The following AKAP13 variants were observed in gnomAD, a reference collection of about 807,000 sequenced individuals.
AKAP13 encodes the protein A-kinase anchoring protein 13, also known as A-kinase anchor protein 13.
In AKAP13, 80 loss-of-function variants were observed where a neutral mutation model predicts 264.5. The ratio of observed to expected loss-of-function variants is 0.30; its 90% CI spans 0.25 to 0.36. The LOEUF (loss-of-function observed/expected upper bound fraction) is 0.36. Among genes scored for constraint, AKAP13 ranks in the 10% least tolerant of loss-of-function variants. AKAP13 has a pLI of 1.00. For synonymous variants in AKAP13, 1,380 were observed against 1,250.2 expected, an observed-to-expected ratio of 1.10 and a Z score of -2.19; for missense variants, 3,712 against 3,435.2, an observed-to-expected ratio of 1.08 and a Z score of -2.01.
In AKAP13 at chr15:85,579,866, G is replaced by C. The variant is rs1434979099; in HGVS notation, c.1798G>C (p.Gly600Arg). The C allele has an allele frequency of 1.2e-6, 2 of 1,614,050 alleles. No homozygotes were observed. The highest frequency in any genetic ancestry group is 1.7e-6 in the Non-Finnish European group (2 of 1,180,056). ...PAAAKDKISD[G>R]LEPYTLLAAG... ...TGCTGCAAAAGACAAGATTTCAGAT[G>C]GATTAGAACCTTATACTCTCTTAGC... is the stretch of plus-strand genomic sequence containing the variant. Residue 600 changes from glycine to arginine, a missense_variant, in exon 7 of 37, where the codon GGA (glycine) becomes CGA (arginine). Physicochemically the swap from Gly to Arg is moderately radical, Grantham distance 125 (BLOSUM62 -2). Transcript: ENST00000394518.
At chr15:85,498,772 C>T (rs923153733) in intron 2 of AKAP13, among the ~76,000 whole-genome samples, 2 of 152,146 alleles carry the variant, frequency 1.3e-5, no homozygotes, top group Non-Finnish European at 2.9e-5. Context: ...GGCGCTGGCT[C>T]TTGGTGTGAG....
intron 5 of AKAP13, among the ~76,000 whole-genome samples, chr15:85,553,610 A>G (rs190649186): frequency 9.8e-5 from 15 of 152,312 alleles, no homozygotes; most frequent in Admixed American, 9.2e-4. Context: ...CTTATAGTAC[A>G]TATTTTATGC....
At chr15:85,407,051 A>G (rs1312096667) in intron 1 of AKAP13, among the ~76,000 whole-genome samples, 4 of 151,744 alleles carry the variant, frequency 2.6e-5, no homozygotes, top group African/African-American at 9.7e-5. Context: ...GTATAAGCTC[A>G]TTGAAGAAAT....
intron 2 of AKAP13, among the ~76,000 whole-genome samples, chr15:85,515,229 T>C (rs2151134127): frequency 7.2e-6 from 1 of 139,270 alleles, no homozygotes; most frequent in East Asian, 2.0e-4. Flanking sequence ...ATTTCAAGTT[T>C]ATAGAAAAGC....
chr15:85,470,366 G>A (rs2074916978), intron 1 of AKAP13, among the ~76,000 whole-genome samples: 1 of 152,172 alleles, frequency 6.6e-6, no homozygotes. Flanking sequence ...AGGAAGAACT[G>A]CCAGTGCCTT....
intron 8 of AKAP13, among the ~76,000 whole-genome samples, chr15:85,628,631 G>T (rs1000836553): frequency 2.6e-5 from 4 of 151,982 alleles, no homozygotes; most frequent in Admixed American, 1.3e-4. Context: ...AAAACCACAG[G>T]ATTCTAGTAA....
intron 12 of AKAP13, among the ~76,000 whole-genome samples, chr15:85,661,949 C>T (rs1392110817): frequency 6.7e-6 from 1 of 148,944 alleles, no homozygotes; most frequent in East Asian, 2.0e-4. Context: ...CACCAGAGCA[C>T]AGTTTGTCAC....
chr15:85,499,069 A>T (rs1427469798), intron 2 of AKAP13, among the ~76,000 whole-genome samples: 2 of 152,206 alleles, frequency 1.3e-5, no homozygotes, highest in Non-Finnish European at 2.9e-5. Flanking sequence ...GTTGCCTGTA[A>T]AGATGCATGG....
intron 1 of AKAP13, among the ~76,000 whole-genome samples, chr15:85,402,996 A>G (rs1020462562): frequency 3.3e-5 from 5 of 152,218 alleles, no homozygotes; most frequent in East Asian, 1.9e-4. Flanking sequence ...GTGATTAGCA[A>G]CGTTCATTGT....
intron 8 of AKAP13, chr15:85,627,662 T>G (rs1196003600): frequency 6.6e-6 from 1 of 152,234 alleles, no homozygotes; most frequent in Non-Finnish European, 1.5e-5. Context: ...CAGTTTACAT[T>G]TCTGGATACT....
At chr15:85,619,454 G>A in intron 8 of AKAP13, 2 of 985,292 alleles carry the variant, frequency 2.0e-6, no homozygotes, top group Non-Finnish European at 2.4e-6. Flanking sequence ...AAGCCCTACT[G>A]CCTGGTGAGC....
intron 1 of AKAP13, among the ~76,000 whole-genome samples, chr15:85,465,273 C>T (rs1217569056): frequency 6.6e-6 from 1 of 151,986 alleles, no homozygotes; most frequent in African/African-American, 2.4e-5. Flanking sequence ...ACTTTTTAAC[C>T]TTGCTGTATA....
chr15:85,617,861 T>C (rs560600538), intron 8 of AKAP13, among the ~76,000 whole-genome samples: 45 of 152,344 alleles, frequency 3.0e-4, no homozygotes, highest in African/African-American at 1.1e-3. Context: ...CTGGTCAAGT[T>C]CCCATGCTTT....
chr15:85,570,875 G>C (rs1398336980), intron 5 of AKAP13, among the ~76,000 whole-genome samples: 2 of 152,156 alleles, frequency 1.3e-5, no homozygotes, highest in African/African-American at 2.4e-5. Context: ...GACCCAAGGA[G>C]GGCAGGAAGA....
chr15:85,632,947 C>G (rs982672321), intron 8 of AKAP13, among the ~76,000 whole-genome samples: 3 of 152,042 alleles, frequency 2.0e-5, no homozygotes, highest in Non-Finnish European at 2.9e-5. Context: ...CTCACTGCAA[C>G]CTCTGACTCC....
chr15:85,678,355 CT>C (rs1241581749), intron 14 of AKAP13, among the ~76,000 whole-genome samples: 2 of 152,142 alleles, frequency 1.3e-5, no homozygotes, highest in African/African-American at 4.8e-5. Context: ...TCACACTATT[CT>C]TAAAGGGAAG....
At position 85,454,826 on chromosome 15, in the gene AKAP13, G is replaced by A. The variant is rs192600511; in HGVS notation, c.-11-30884G>A. 7.9e-5 allele frequency among the ~76,000 whole-genome samples: 12 copies of A among 152,154 alleles called. No individual in the cohort carries two copies. In the South Asian group the frequency reaches 8.3e-4, roughly 11 times the overall value. ...TAGTTGTTATCTTGACCCAAATTTC[G>A]TAACTGTTTTGAGTTACTCACTGAA... On this transcript the variant is annotated intron_variant, in intron 1 of 36. Transcript: ENST00000394518.
At chr15:85,711,138 C>T (rs2086615539) in intron 19 of AKAP13, among the ~76,000 whole-genome samples, 1 of 152,174 alleles carries the variant, frequency 6.6e-6, no homozygotes, top group South Asian at 2.1e-4. Context: ...GCCTCAGCCT[C>T]CCCAATAGCT....
intron 6 of AKAP13, chr15:85,577,685 T>A: frequency 1.8e-6 from 1 of 542,046 alleles, no homozygotes; most frequent in Non-Finnish European, 2.4e-6. Flanking sequence ...ACATATAGTA[T>A]CCATAATATA....
Sources: allele counts gnomAD v4.1 joint callset (sites outside exome capture counted in the v4.1 genomes callset), GRCh38; gene constraint gnomAD v4.1.1; transcripts MANE v1.5; gene names NCBI Gene and HGNC (gene_info 2026-07-23, HGNC 2026-07-21).